Variants in ZBTB16 observed in about 807,000 individuals in gnomAD.
ZBTB16 encodes the protein zinc finger and BTB domain containing 16.
In ZBTB16, 8 loss-of-function variants were observed where a neutral mutation model predicts 56.8. That is an observed-to-expected ratio of 0.14 (90% CI 0.08 to 0.25). The LOEUF is 0.25. Among genes scored for constraint, ZBTB16 ranks in the 10% least tolerant of loss-of-function variants. The pLI, the probability that ZBTB16 is intolerant of heterozygous loss-of-function variation, is 1.00. For synonymous variants in ZBTB16, 363 were observed against 368.5 expected, an observed-to-expected ratio of 0.98 and a Z score of 0.17; for missense variants, 625 against 903.0, an observed-to-expected ratio of 0.69 and a Z score of 3.95.
intron 5 of ZBTB16, 134 bp from the exon 6 acceptor site, chr11:114,247,064 T>C: frequency 8.9e-7 from 1 of 1,122,912 alleles, no homozygotes; most frequent in Non-Finnish European, 1.3e-6. Flanking sequence ...GGTGTGGCCG[T>C]GGATCCTTAA....
chr11:114,243,428 G>C (rs1944753180), intron 5 of ZBTB16, among the ~76,000 whole-genome samples: 1 of 152,224 alleles, frequency 6.6e-6, no homozygotes, highest in South Asian at 2.1e-4. Flanking sequence ...CTCATGGACT[G>C]AGCTGGCCTG....
At chr11:114,117,217 G>A (rs1941199049) in intron 2 of ZBTB16, among the ~76,000 whole-genome samples, 1 of 152,082 alleles carries the variant, frequency 6.6e-6, no homozygotes, top group African/African-American at 2.4e-5. Context: ...AAAGAGGTTG[G>A]TAGAGATAGT....
intron 4 of ZBTB16, among the ~76,000 whole-genome samples, chr11:114,205,809 G>A (rs1477239002): frequency 1.3e-5 from 2 of 152,148 alleles, no homozygotes; most frequent in African/African-American, 4.8e-5. Flanking sequence ...AATTGACAAG[G>A]GGGAGACTCT....
intron 2 of ZBTB16, among the ~76,000 whole-genome samples, chr11:114,101,044 A>G (rs930441917): frequency 6.6e-6 from 1 of 152,148 alleles, no homozygotes; most frequent in African/African-American, 2.4e-5. Flanking sequence ...TCTGTTGCTC[A>G]GGCTGGAGTG....
intron 3 of ZBTB16, among the ~76,000 whole-genome samples, chr11:114,171,551 G>T (rs1565666062): frequency 6.6e-6 from 1 of 152,290 alleles, no homozygotes; most frequent in Middle Eastern, 3.4e-3. Flanking sequence ...GCATGTAACT[G>T]TGCTTCCCGA....
At chr11:114,239,510 C>T (rs1022044942) in intron 4 of ZBTB16, among the ~76,000 whole-genome samples, 1 of 152,130 alleles carries the variant, frequency 6.6e-6, no homozygotes, top group African/African-American at 2.4e-5. Context: ...CTCCTGTGTA[C>T]GTCGGCCAAG....
intron 2 of ZBTB16, among the ~76,000 whole-genome samples, chr11:114,121,275 G>A (rs1941335740): frequency 6.6e-6 from 1 of 152,172 alleles, no homozygotes; most frequent in South Asian, 2.1e-4. Context: ...CACTGAAGGC[G>A]GAGTTGAGAA....
rs935903640 is a variant in ZBTB16 at position 114,194,133 on chromosome 11, ATG to A, written c.1453+7099_1453+7100del. On this transcript the variant is annotated intron_variant, in intron 4 of 6. Coordinates refer to ENST00000335953, the MANE Select transcript of ZBTB16 (RefSeq NM_006006.6). ...TGCACTAAGAAGCCGCAACACCCTG[ATG>A]TGTACATCCTCCTCCTGGAGTAGGA... 7.0e-4 allele frequency among the ~76,000 whole-genome samples: 106 copies of A among 152,242 alleles called. 1 individual carries two copies. The highest frequency in any genetic ancestry group is 2.4e-3 in the African/African-American group (101 of 41,540).
chr11:114,125,936 A>G (rs1485796967), intron 2 of ZBTB16, among the ~76,000 whole-genome samples: 1 of 152,118 alleles, frequency 6.6e-6, no homozygotes, highest in Non-Finnish European at 1.5e-5. Context: ...TGAAAATATC[A>G]CTGCCTTTTG....
chr11:114,124,104 G>GTCCA (rs1941422530), intron 2 of ZBTB16, among the ~76,000 whole-genome samples: 2 of 152,102 alleles, frequency 1.3e-5, no homozygotes, highest in Non-Finnish European at 2.9e-5. Flanking sequence ...GGGGAGTGAA[G>GTCCA]TCCAGCCTGA....
chr11:114,178,081 T>C (rs1414161421), intron 3 of ZBTB16, among the ~76,000 whole-genome samples: 1 of 152,184 alleles, frequency 6.6e-6, no homozygotes, highest in Non-Finnish European at 1.5e-5. Context: ...AGGGGTGTCA[T>C]TTCCTTGATC....
intron 4 of ZBTB16, among the ~76,000 whole-genome samples, chr11:114,236,782 A>G (rs1002549697): frequency 6.6e-6 from 1 of 152,190 alleles, no homozygotes; most frequent in African/African-American, 2.4e-5. Context: ...CAGGCTGTGT[A>G]CTGTGTGTTG....
At position 114,063,438 on chromosome 11, in the gene ZBTB16, C is replaced by T. The variant is rs767571888; in HGVS notation, c.138C>T (p.His46=). Residue 46 remains histidine (H), a synonymous_variant, in exon 2 of 7, where the codon CAC becomes CAT. Coordinates refer to ENST00000335953, the MANE Select transcript of ZBTB16 (RefSeq NM_006006.6). This position sits in a 1 kb window ranked among gnomAD's most constrained non-coding sequence, Gnocchi z 6.5. ...VVIMVDSQEF[H]AHRTVLACTS... is the part of the protein sequence containing the mutation. The stretch of plus-strand genomic sequence containing the variant: ...TCATGGTGGACAGCCAGGAGTTCCA[C>T]GCCCACCGGACGGTGCTGGCCTGCA... 37 of 1,614,078 alleles carry T rather than the reference C, an allele frequency of 2.3e-5. No individual in the cohort carries two copies. The highest frequency in any genetic ancestry group is 1.3e-4 in the African/African-American group (10 of 74,934).
At chr11:114,202,371 C>T (rs984861538) in intron 4 of ZBTB16, among the ~76,000 whole-genome samples, 1 of 152,092 alleles carries the variant, frequency 6.6e-6, no homozygotes, top group African/African-American at 2.4e-5. Context: ...GGTGTTTGCT[C>T]CCTGTTCCCA....
At chr11:114,182,026 T>C (rs909698944) in intron 3 of ZBTB16, among the ~76,000 whole-genome samples, 7 of 152,126 alleles carry the variant, frequency 4.6e-5, no homozygotes, top group African/African-American at 1.7e-4. Context: ...CACTCTCTGT[T>C]TATCTTTACT....
chr11:114,124,570 A>AAAAAAAAAAACAAAAAAAAAAAAC (rs1565638154), intron 2 of ZBTB16, among the ~76,000 whole-genome samples: 2 of 146,582 alleles, frequency 1.4e-5, no homozygotes, highest in Non-Finnish European at 1.5e-5. Flanking sequence ...AAAAAAAAAA[A>AAAAAAAAAAACAAAAAAAAAAAAC]AACAAAAACA....
chr11:114,149,757 A>G (rs1038312042), intron 2 of ZBTB16, among the ~76,000 whole-genome samples: 2 of 152,196 alleles, frequency 1.3e-5, no homozygotes, highest in African/African-American at 4.8e-5. Context: ...AAAAGTGGGC[A>G]AAAGGGTAAT....
At chr11:114,153,894 T>G (rs1423605302) in intron 2 of ZBTB16, among the ~76,000 whole-genome samples, 1 of 152,212 alleles carries the variant, frequency 6.6e-6, no homozygotes, top group Non-Finnish European at 1.5e-5. Flanking sequence ...TGTCCAAGGT[T>G]AATGGCCGAG....
At chr11:114,202,153 C>A (rs3782000) in intron 4 of ZBTB16, among the ~76,000 whole-genome samples, 1 of 151,974 alleles carries the variant, frequency 6.6e-6, no homozygotes, top group African/African-American at 2.4e-5. Context: ...ATGGGCCTGA[C>A]GGAGGAAGTG....
Sources: allele counts gnomAD v4.1 joint callset (sites outside exome capture counted in the v4.1 genomes callset), GRCh38; gene constraint gnomAD v4.1.1; non-coding constraint Gnocchi (gnomAD v3.1); transcripts MANE v1.5; gene names NCBI Gene and HGNC (gene_info 2026-07-23, HGNC 2026-07-21).